DOCK8: variants seen among roughly 807,000 people sequenced by gnomAD.
DOCK8 encodes the protein dedicator of cytokinesis protein 8.
DOCK8 carries 141 observed loss-of-function variants against 245.6 expected under a neutral mutation model. The observed-to-expected ratio is 0.57, with a 90% confidence interval of 0.50 to 0.66. The LOEUF is 0.66. DOCK8 is among the 30% of genes least tolerant of loss of function. The probability of loss-of-function intolerance (pLI) is 0.00; values close to 1 mark genes in which losing one functional copy is unlikely to be tolerated. For missense variants in DOCK8, 2,965 were observed against 2,603.4 expected (o/e 1.14, Z -3.02); for synonymous variants, 1,168 against 970.2 (o/e 1.20, Z -3.79).
At chr9:234,095 G>T (rs2047189298) in intron 1 of DOCK8, among the ~76,000 whole-genome samples, 1 of 152,078 alleles carries the variant, frequency 6.6e-6, no homozygotes, top group Non-Finnish European at 1.5e-5. Flanking sequence ...AGGCCTGGTG[G>T]TGACAAAATC....
intron 14 of DOCK8, among the ~76,000 whole-genome samples, chr9:343,445 A>G (rs930769782): frequency 3.3e-5 from 5 of 152,042 alleles, no homozygotes; most frequent in Admixed American, 3.3e-4. Flanking sequence ...GCCTTGTGCC[A>G]CTGCTCTCCA....
Position 347,199 on chromosome 9 carries a change from A to G in DOCK8, c.1679+6878A>G, listed in dbSNP as rs112571923. Among the ~76,000 whole-genome samples the G allele has an allele frequency of 3.8e-3, 574 of 152,212 alleles. 1 individual carries two copies. Among genetic ancestry groups the G allele is most frequent in the Admixed American group, 6.0e-3 (91 of 15,282 alleles). ...CCAACCCTTAATGAGTTCCTGTACCATATGGAGTTGTCAAATGCTCCATAC... is the reference window on the plus strand; with the variant it reads ...CCAACCCTTAATGAGTTCCTGTACCGTATGGAGTTGTCAAATGCTCCATAC... On this transcript the variant is annotated intron_variant, in intron 14 of 47. Coordinates refer to ENST00000432829, the MANE Select transcript of DOCK8 (RefSeq NM_203447.4).
rs1422701038 is a variant in DOCK8, at chr9:405,078, T to G, written c.3390+5T>G. On this transcript the variant is annotated splice_donor_5th_base_variant and intron_variant, in intron 27 of 47. Transcript: ENST00000432829. ...TGTCCTTCCATATCTTCCCAGGTAA[T>G]AAAAGAATTATTTAACTAAAAGAAT... 6.2e-7 allele frequency: 1 copy of G among 1,611,000 alleles called. No individual in the cohort carries two copies. The highest frequency in any genetic ancestry group is 1.3e-5 in the African/African-American group (1 of 74,846).
chr9:434,635 C>T (rs2056833109), intron 38 of DOCK8, 148 bp from the exon 39 acceptor site: 2 of 773,618 alleles, frequency 2.6e-6, no homozygotes, highest in Admixed American at 4.1e-5. Flanking sequence ...TTTCTTCTGT[C>T]TCGTTTTCTG....
At chr9:361,900 A>G (rs941016227) in intron 14 of DOCK8, among the ~76,000 whole-genome samples, 28 of 152,146 alleles carry the variant, frequency 1.8e-4, no homozygotes, top group African/African-American at 6.5e-4. Flanking sequence ...AGCCCTGTCA[A>G]AGATAAAATT....
At chr9:379,644 T>C (rs919023291) in intron 20 of DOCK8, 127 bp from the exon 21 acceptor site, 2 of 1,034,944 alleles carry the variant, frequency 1.9e-6, no homozygotes. Flanking sequence ...CAAAACCATC[T>C]ACCCTTCCCA....
chr9:405,539 A>T (rs2055375318), intron 27 of DOCK8, among the ~76,000 whole-genome samples: 1 of 152,216 alleles, frequency 6.6e-6, no homozygotes, highest in Admixed American at 6.5e-5. Context: ...GGAGGTGTGC[A>T]TGATAAGCAG....
chr9:378,969 G>A (rs2053628088), intron 20 of DOCK8, among the ~76,000 whole-genome samples: 1 of 152,178 alleles, frequency 6.6e-6, no homozygotes, highest in Non-Finnish European at 1.5e-5. Flanking sequence ...GAGTCAGACG[G>A]CTTCATGGAG....
chr9:423,785 T>C (rs1486433920), intron 33 of DOCK8, among the ~76,000 whole-genome samples: 5 of 152,318 alleles, frequency 3.3e-5, no homozygotes, highest in Non-Finnish European at 5.9e-5. Flanking sequence ...CTACAAAATA[T>C]GCATGCCGTG....
At chr9:359,255 G>C (rs1799089900) in intron 14 of DOCK8, among the ~76,000 whole-genome samples, 2 of 152,162 alleles carry the variant, frequency 1.3e-5, no homozygotes, top group South Asian at 4.1e-4. Context: ...TAAAGTTCTG[G>C]TGAGTCTAAT....
At chr9:436,883 A>G (rs1026680742) in intron 39 of DOCK8, among the ~76,000 whole-genome samples, 1 of 152,222 alleles carries the variant, frequency 6.6e-6, no homozygotes, top group African/African-American at 2.4e-5. Flanking sequence ...AAATACTGTT[A>G]TAAAGAGGCA....
At chr9:387,268 A>AC (rs1050632667) in intron 23 of DOCK8, among the ~76,000 whole-genome samples, 14 of 152,102 alleles carry the variant, frequency 9.2e-5, no homozygotes, top group African/African-American at 3.1e-4. Flanking sequence ...ACATGGTGAA[A>AC]CCCCCTCCTA....
chr9:246,515 A>G (rs2047509438), intron 1 of DOCK8, among the ~76,000 whole-genome samples: 1 of 152,124 alleles, frequency 6.6e-6, no homozygotes, highest in African/African-American at 2.4e-5. Context: ...ACCCTGTCTC[A>G]GGAAAAAAGG....
chr9:377,707 C>A (rs916046703), intron 20 of DOCK8, among the ~76,000 whole-genome samples: 8 of 152,170 alleles, frequency 5.3e-5, no homozygotes, highest in African/African-American at 1.9e-4. Context: ...ATGATCGCTA[C>A]AATCTAGTTT....
chr9:341,681 A>G (rs1467273022), intron 14 of DOCK8, among the ~76,000 whole-genome samples: 10 of 152,220 alleles, frequency 6.6e-5, no homozygotes, highest in Non-Finnish European at 2.9e-5. Flanking sequence ...TTTAAAATGT[A>G]CGCAAATGAC....
chr9:297,721 C>T (rs1363250134), intron 4 of DOCK8, among the ~76,000 whole-genome samples: 1 of 152,146 alleles, frequency 6.6e-6, no homozygotes, highest in Non-Finnish European at 1.5e-5. Context: ...CAACCCTTGT[C>T]CTCTCCTCCC....
At chr9:365,790 T>C (rs577355143) in intron 14 of DOCK8, 1 of 386,264 alleles carries the variant, frequency 2.6e-6, no homozygotes, top group African/African-American at 2.1e-5. Context: ...GCTCTGCTTA[T>C]TTGATTGGTG....
chr9:273,092 C>G, intron 2 of DOCK8: 1 of 985,402 alleles, frequency 1.0e-6, no homozygotes, highest in African/African-American at 1.7e-5. Context: ...AACTGTGAAT[C>G]TTTCAAAGGT....
At chr9:447,765 G>T (rs1196578518) in intron 44 of DOCK8, among the ~76,000 whole-genome samples, 1 of 152,188 alleles carries the variant, frequency 6.6e-6, no homozygotes, top group East Asian at 1.9e-4. Flanking sequence ...TACCTCATCA[G>T]GCAGAAGCAG....
Sources: gnomAD v4.1 joint callset for allele counts (sites outside exome capture counted in the v4.1 genomes callset) on GRCh38, gnomAD v4.1.1 for gene constraint, MANE v1.5 for transcripts, NCBI Gene and HGNC (gene_info 2026-07-23, HGNC 2026-07-21) for gene names.